The following CSRNP3 variants were observed in gnomAD, a reference collection of about 807,000 sequenced individuals.
CSRNP3 encodes the protein cysteine/serine-rich nuclear protein 3.
CSRNP3 carries 12 observed loss-of-function variants against 48.0 expected under a neutral mutation model. That is an observed-to-expected ratio of 0.25 (90% CI 0.16 to 0.41). The LOEUF (loss-of-function observed/expected upper bound fraction) is 0.41. CSRNP3 is among the 10% of genes least tolerant of loss of function. The pLI, the probability that CSRNP3 is intolerant of heterozygous loss-of-function variation, is 1.00. For synonymous variants in CSRNP3, 263 were observed against 269.7 expected, an observed-to-expected ratio of 0.98 and a Z score of 0.24; for missense variants, 580 against 724.4, an observed-to-expected ratio of 0.80 and a Z score of 2.29.
At chr2:165,541,940 A>G (rs1168017188) in intron 3 of CSRNP3, among the ~76,000 whole-genome samples, 1 of 152,076 alleles carries the variant, frequency 6.6e-6, no homozygotes, top group Non-Finnish European at 1.5e-5. Context: ...TAGAGACCAA[A>G]ATTGCCTTCT....
rs1217620814 is a variant in CSRNP3, at chr2:165,682,697, T to A, written c.*2944T>A. Reference sequence around the variant, plus strand: ...TCCCAGAAAAGCTGAGAGAGCACACTGTTCCAGCTGACTTTTTTTTCCATT... The same window carrying A: ...TCCCAGAAAAGCTGAGAGAGCACACAGTTCCAGCTGACTTTTTTTTCCATT... On this transcript the variant is annotated 3_prime_UTR_variant, in exon 7 of 7. Coordinates refer to ENST00000651982, the MANE Select transcript of CSRNP3 (RefSeq NM_001172173.2). 2 of 152,162 alleles carry A rather than the reference T, an allele frequency of 1.3e-5. No individual in the cohort carries two copies. Among genetic ancestry groups the A allele is most frequent in the African/African-American group, 4.8e-5 (2 of 41,452 alleles). 9.4% of individuals were successfully genotyped at this position (152,162 alleles called of 1,614,324 possible). A position where few individuals can be genotyped will look rare whatever the true frequency, so the allele number is the denominator to read the frequency against.
At chr2:165,646,587 A>G (rs1176839879) in intron 4 of CSRNP3, among the ~76,000 whole-genome samples, 1 of 152,194 alleles carries the variant, frequency 6.6e-6, no homozygotes, top group African/African-American at 2.4e-5. Flanking sequence ...TTGTGTCAGA[A>G]TGCCTCATGC....
chr2:165,654,567 A>G (rs1218174370), intron 4 of CSRNP3, among the ~76,000 whole-genome samples: 1 of 152,146 alleles, frequency 6.6e-6, no homozygotes, highest in African/African-American at 2.4e-5. Flanking sequence ...AGAGTTTCTC[A>G]TCACTGGAAT....
intron 4 of CSRNP3, among the ~76,000 whole-genome samples, chr2:165,646,740 G>C (rs75035490): frequency 1.0e-3 from 157 of 152,188 alleles, no homozygotes; most frequent in African/African-American, 3.2e-3. Flanking sequence ...ATGTGTCTTT[G>C]ACATCAGGAG....
intron 3 of CSRNP3, among the ~76,000 whole-genome samples, chr2:165,520,772 A>T (rs185383664): frequency 0.042 from 615 of 14,548 alleles, 5 homozygotes; most frequent in African/African-American, 0.22. Flanking sequence ...GAAATATATT[A>T]TATATATATA....
chr2:165,628,639 G>A (rs868718921), intron 4 of CSRNP3, among the ~76,000 whole-genome samples: 3 of 152,138 alleles, frequency 2.0e-5, no homozygotes, highest in Non-Finnish European at 4.4e-5. Flanking sequence ...CAGGAGAATC[G>A]CTTGAACCTG....
chr2:165,577,846 A>G (rs1685477688), intron 3 of CSRNP3, among the ~76,000 whole-genome samples: 1 of 151,944 alleles, frequency 6.6e-6, no homozygotes. Flanking sequence ...CTGGACAGAG[A>G]AAGAGAGAAA....
intron 4 of CSRNP3, among the ~76,000 whole-genome samples, chr2:165,655,742 G>A (rs949848963): frequency 5.3e-5 from 8 of 152,154 alleles, no homozygotes; most frequent in African/African-American, 1.2e-4. Context: ...GGTAGCCCCC[G>A]ACATTCTTGG....
chr2:165,652,250 G>A (rs1252203138), intron 4 of CSRNP3, among the ~76,000 whole-genome samples: 1 of 151,962 alleles, frequency 6.6e-6, no homozygotes, highest in East Asian at 2.0e-4. Flanking sequence ...GGTGGCTCAC[G>A]CCTGTAATCC....
At chr2:165,613,099 T>C (rs1686167859) in intron 4 of CSRNP3, among the ~76,000 whole-genome samples, 1 of 152,184 alleles carries the variant, frequency 6.6e-6, no homozygotes, top group Non-Finnish European at 1.5e-5. Context: ...TTTTGTCTTT[T>C]TTATGAAAGC....
At chr2:165,673,131 C>CTTTTTTTTTTTTTTTT (rs3032370) in intron 5 of CSRNP3, among the ~76,000 whole-genome samples, 1 of 67,124 alleles carries the variant, frequency 1.5e-5, no homozygotes, top group African/African-American at 5.9e-5. Context: ...GTATGTAGCT[C>CTTTTTTTTTTTTTTTT]TTTTTTTTTT....
intron 3 of CSRNP3, among the ~76,000 whole-genome samples, chr2:165,590,339 T>A (rs1024293148): frequency 3.9e-5 from 6 of 152,216 alleles, no homozygotes; most frequent in African/African-American, 1.4e-4. Context: ...TTTGGGAGTA[T>A]TCTTAATTTG....
rs1245001846 is a variant in CSRNP3 at position 165,686,442 on chromosome 2, AG to A, written c.*6690del. 6.6e-6 allele frequency: 1 copy of A among 152,086 alleles called. No homozygotes were observed. The highest frequency in any genetic ancestry group is 2.4e-5 in the African/African-American group (1 of 41,442). The allele number at this position is 152,086 out of a possible 1,614,324, so 9.4% of individuals were successfully genotyped here. ...AGCTTTTTTCCTTAGCCATTAAAAA[AG>A]CCACCCCTCTTTAAAACAAATTTAA... On this transcript the variant is annotated 3_prime_UTR_variant, in exon 7 of 7. Coordinates refer to ENST00000651982, the MANE Select transcript of CSRNP3 (RefSeq NM_001172173.2).
intron 4 of CSRNP3, among the ~76,000 whole-genome samples, chr2:165,648,622 A>T (rs935846895): frequency 6.6e-6 from 1 of 152,164 alleles, no homozygotes; most frequent in African/African-American, 2.4e-5. Flanking sequence ...CTTTTGTCCT[A>T]GCAAACAAAG....
rs185055347 is a variant in CSRNP3 at position 165,681,340 on chromosome 2, C to T, written c.*1587C>T. 30 of 152,010 alleles carry T rather than the reference C, an allele frequency of 2.0e-4. No individual in the cohort carries two copies. In the East Asian group the frequency reaches 4.6e-3, roughly 23 times the overall value. 9.4% of individuals were successfully genotyped at this position (152,010 alleles called of 1,614,324 possible). A position where few individuals can be genotyped will look rare whatever the true frequency, so the allele number is the denominator to read the frequency against. On this transcript the variant is annotated 3_prime_UTR_variant, in exon 7 of 7. Coordinates refer to ENST00000651982, the MANE Select transcript of CSRNP3 (RefSeq NM_001172173.2). Reference sequence around the variant, plus strand: ...ATGACTTGCTATTCAGTGACTGCATCGCTACTTATTTTTTATGTCTTTTAG... The same window carrying T: ...ATGACTTGCTATTCAGTGACTGCATTGCTACTTATTTTTTATGTCTTTTAG...
chr2:165,515,431 C>CT (rs1209165185), intron 2 of CSRNP3, among the ~76,000 whole-genome samples: 1 of 150,956 alleles, frequency 6.6e-6, no homozygotes, highest in East Asian at 1.9e-4. Flanking sequence ...TAAAGAAAGA[C>CT]TTTTATTTAT....
At chr2:165,573,174 A>G (rs931838320) in intron 3 of CSRNP3, among the ~76,000 whole-genome samples, 1 of 152,076 alleles carries the variant, frequency 6.6e-6, no homozygotes, top group African/African-American at 2.4e-5. Flanking sequence ...GTGTGCTTTT[A>G]ATTTTTCATG....
chr2:165,475,528 CA>C (rs1366011423), intron 1 of CSRNP3, among the ~76,000 whole-genome samples: 3 of 152,214 alleles, frequency 2.0e-5, no homozygotes, highest in Non-Finnish European at 4.4e-5. Context: ...CCCTTTCGCT[CA>C]CTATCTAAAT....
chr2:165,489,123 T>C (rs1269938607), intron 1 of CSRNP3, among the ~76,000 whole-genome samples: 2 of 150,000 alleles, frequency 1.3e-5, no homozygotes, highest in Non-Finnish European at 3.0e-5. Flanking sequence ...ATATCACCAC[T>C]GATCCCACAG....
Sources: gnomAD v4.1 joint callset for allele counts (sites outside exome capture counted in the v4.1 genomes callset) on GRCh38, gnomAD v4.1.1 for gene constraint, MANE v1.5 for transcripts, NCBI Gene and HGNC (gene_info 2026-07-23, HGNC 2026-07-21) for gene names.